COL14A1: variants seen among roughly 807,000 people sequenced by gnomAD.
COL14A1 encodes collagen alpha-1(XIV) chain.
Under a neutral mutation model 230.3 loss-of-function variants are expected in COL14A1, and 136 were observed. The ratio of observed to expected loss-of-function variants is 0.59; its 90% CI spans 0.51 to 0.68. The LOEUF (loss-of-function observed/expected upper bound fraction) is 0.68, where lower values mean the gene tolerates loss of function less well. Ranked by LOEUF, COL14A1 falls within the 30% of genes least tolerant of loss-of-function variation. The pLI, the probability that COL14A1 is intolerant of heterozygous loss-of-function variation, is 0.00. For synonymous variants in COL14A1, 792 were observed against 784.1 expected (o/e 1.01, Z -0.17); for missense variants, 1,976 against 2,215.8 (o/e 0.89, Z 2.17).
intron 1 of COL14A1, among the ~76,000 whole-genome samples, chr8:120,132,856 T>C (rs58212748): frequency 0.011 from 1,693 of 152,238 alleles, 27 homozygotes; most frequent in African/African-American, 0.037. Context: ...CCAAGAGTAC[T>C]GAACTCTCCC....
intron 5 of COL14A1, among the ~76,000 whole-genome samples, chr8:120,177,598 G>A (rs528513461): frequency 7.0e-6 from 1 of 142,710 alleles, no homozygotes; most frequent in Admixed American, 7.2e-5. Flanking sequence ...GCAGTGAGCT[G>A]AGATCGTGCC....
At chr8:120,160,958 A>G (rs1292765665) in intron 3 of COL14A1, among the ~76,000 whole-genome samples, 1 of 152,172 alleles carries the variant, frequency 6.6e-6, no homozygotes, top group African/African-American at 2.4e-5. Flanking sequence ...TAACTCTCAA[A>G]GAGGGACTCT....
At chr8:120,293,185 A>G (rs1390611567) in intron 34 of COL14A1, among the ~76,000 whole-genome samples, 1 of 151,976 alleles carries the variant, frequency 6.6e-6, no homozygotes, top group Non-Finnish European at 1.5e-5. Context: ...ATACTTAGGT[A>G]ATTATCCAAC....
chr8:120,247,832 G>T, intron 21 of COL14A1, 97 bp downstream of exon 21: 3 of 1,431,806 alleles, frequency 2.1e-6, no homozygotes, highest in Non-Finnish European at 2.8e-6. Context: ...ATGTTTGGTT[G>T]TATTTTTTTA....
chr8:120,255,663 A>G (rs1819124107), intron 23 of COL14A1, among the ~76,000 whole-genome samples: 1 of 152,328 alleles, frequency 6.6e-6, no homozygotes, highest in Non-Finnish European at 1.5e-5. Flanking sequence ...GTGCACTGGA[A>G]GGACCCCAAA....
At chr8:120,350,762 A>G (rs1457575646) in intron 45 of COL14A1, among the ~76,000 whole-genome samples, 1 of 147,904 alleles carries the variant, frequency 6.8e-6, no homozygotes. Flanking sequence ...CTACAAAGAG[A>G]CTTAGACTCC....
In COL14A1 at chr8:120,285,990, C is replaced by A; in HGVS notation, c.4077+20C>A. The A allele has an allele frequency of 7.8e-7, 1 of 1,279,072 alleles. No homozygotes were observed. The highest frequency in any genetic ancestry group is 1.1e-6 in the Non-Finnish European group (1 of 879,022). 79.2% of individuals were successfully genotyped at this position (1,279,072 alleles called of 1,614,324 possible). The stretch of plus-strand genomic sequence containing the variant: ...CACAAGGTTAGTAATGCTTTGTATG[C>A]ATATATTCTTTATTCTATTTGCTAT... On this transcript the variant is annotated intron_variant, in intron 33 of 47. Transcript: ENST00000297848.
intron 5 of COL14A1, among the ~76,000 whole-genome samples, chr8:120,196,151 C>A (rs1263619989): frequency 1.3e-5 from 2 of 152,206 alleles, no homozygotes; most frequent in Non-Finnish European, 2.9e-5. Flanking sequence ...CAATTATTTA[C>A]ATGATCTTTA....
chr8:120,249,073 C>T (rs947300063), intron 21 of COL14A1, among the ~76,000 whole-genome samples: 1 of 149,268 alleles, frequency 6.7e-6, no homozygotes, highest in African/African-American at 2.5e-5. Flanking sequence ...ACTACAGGCG[C>T]CCGCCACCAC....
rs550012281 is a variant in COL14A1, at chr8:120,303,846, T to C, written c.4401+3028T>C. Among the ~76,000 whole-genome samples the C allele has an allele frequency of 4.6e-5, 7 of 152,250 alleles. No individual in the cohort carries two copies. The South Asian group carries it at 1.4e-3, about 32-fold the overall frequency. On this transcript the variant is annotated intron_variant, in intron 36 of 47. Coordinates refer to ENST00000297848, the MANE Select transcript of COL14A1 (RefSeq NM_021110.4). ...TCTTCTTTGTACATCTTGTAGAATT[T>C]GACTGTGAATCCATCTGGCCCTGGG...
At chr8:120,221,810 T>G (rs1351130192) in intron 14 of COL14A1, among the ~76,000 whole-genome samples, 5 of 152,206 alleles carry the variant, frequency 3.3e-5, no homozygotes, top group African/African-American at 1.2e-4. Context: ...GGAAAATAGT[T>G]GTAAAAGCAC....
At chr8:120,353,891 G>T (rs996037399) in intron 45 of COL14A1, among the ~76,000 whole-genome samples, 3 of 151,278 alleles carry the variant, frequency 2.0e-5, no homozygotes, top group Non-Finnish European at 2.9e-5. Flanking sequence ...CCATTACTGG[G>T]TATATACCCA....
chr8:120,248,826 G>A (rs1228390383), intron 21 of COL14A1, among the ~76,000 whole-genome samples: 1 of 151,410 alleles, frequency 6.6e-6, no homozygotes, highest in Non-Finnish European at 1.5e-5. Context: ...CTGCACTCCA[G>A]CCTGGGCAAC....
At chr8:120,198,569 T>TG (rs1563666692) in intron 7 of COL14A1, among the ~76,000 whole-genome samples, 1 of 152,040 alleles carries the variant, frequency 6.6e-6, no homozygotes, top group South Asian at 2.1e-4. Flanking sequence ...AACATGATGC[T>TG]AAAAAAATGC....
chr8:120,235,530 G>A (rs956015337), intron 19 of COL14A1, among the ~76,000 whole-genome samples: 1 of 152,070 alleles, frequency 6.6e-6, no homozygotes, highest in Non-Finnish European at 1.5e-5. Context: ...AGTCTGGCTA[G>A]TGGTCTATTT....
intron 4 of COL14A1, among the ~76,000 whole-genome samples, chr8:120,162,814 C>G (rs537741599): frequency 2.0e-5 from 3 of 152,292 alleles, no homozygotes; most frequent in East Asian, 3.9e-4. Context: ...AACTTCTTAA[C>G]ATTGGCTCCT....
chr8:120,237,559 C>G (rs1818484613), intron 19 of COL14A1, among the ~76,000 whole-genome samples: 1 of 152,136 alleles, frequency 6.6e-6, no homozygotes, highest in Non-Finnish European at 1.5e-5. Context: ...TTAGAATATG[C>G]TCCTTTAGCT....
At chr8:120,149,687 A>ATT (rs11300699) in intron 2 of COL14A1, among the ~76,000 whole-genome samples, 3 of 125,676 alleles carry the variant, frequency 2.4e-5, no homozygotes, top group Non-Finnish European at 3.4e-5. Context: ...CTGTTTTTTC[A>ATT]TTTTTTTTTT....
Position 120,196,886 on chromosome 8 carries a change from C to G in COL14A1, c.532C>G (p.Arg178Gly). ...SIGRFNFRLV[R>G]HFLENLVTAF... ...TGGAAGATTCAACTTCAGACTGGTT[C>G]GGCATTTCTTGGAAAACCTGGTTAC... The change falls in exon 6 of 48, where the codon CGG (arginine) becomes GGG (glycine). Residue 178 changes from arginine to glycine, a missense_variant. Arg to Gly is a moderately radical substitution (Grantham distance 125). Coordinates refer to ENST00000297848, the MANE Select transcript of COL14A1 (RefSeq NM_021110.4). The G allele has an allele frequency of 1.9e-6, 3 of 1,613,968 alleles. No individual in the cohort carries two copies. Among genetic ancestry groups the G allele is most frequent in the Non-Finnish European group, 2.5e-6 (3 of 1,179,944 alleles).
Sources: gnomAD v4.1 joint callset for allele counts (sites outside exome capture counted in the v4.1 genomes callset) on GRCh38, gnomAD v4.1.1 for gene constraint, MANE v1.5 for transcripts, NCBI Gene and HGNC (gene_info 2026-07-23, HGNC 2026-07-21) for gene names.